WWOX: variants seen among roughly 807,000 people sequenced by gnomAD.
The protein encoded by WWOX is WW domain containing oxidoreductase.
A neutral mutation model predicts 46.2 loss-of-function variants in WWOX; 69 were observed. That is an observed-to-expected ratio of 1.49 (90% CI 1.23 to 1.82). The LOEUF (loss-of-function observed/expected upper bound fraction) is 1.82, where lower values mean the gene tolerates loss of function less well. WWOX is among the 40% of genes most tolerant of loss of function. The pLI, the probability that WWOX is intolerant of heterozygous loss-of-function variation, is 0.00. For missense variants in WWOX, 919 were observed against 542.6 expected, an observed-to-expected ratio of 1.69 and a Z score of -6.89; for synonymous variants, 359 against 202.6, an observed-to-expected ratio of 1.77 and a Z score of -6.56.
intron 5 of WWOX, among the ~76,000 whole-genome samples, chr16:78,291,565 G>A (rs564237846): frequency 6.6e-6 from 1 of 152,108 alleles, no homozygotes; most frequent in African/African-American, 2.4e-5. Context: ...GTCTGAAACC[G>A]CTGTTTGGAT....
intron 8 of WWOX, among the ~76,000 whole-genome samples, chr16:78,988,420 C>G (rs968215216): frequency 6.6e-6 from 1 of 151,548 alleles, no homozygotes; most frequent in East Asian, 1.9e-4. Context: ...TGTCACCATC[C>G]TTGGCCAAGG....
intron 8 of WWOX, among the ~76,000 whole-genome samples, chr16:79,143,340 T>C (rs2050125757): frequency 6.6e-6 from 1 of 152,240 alleles, no homozygotes; most frequent in South Asian, 2.1e-4. Flanking sequence ...ATTTAAATTA[T>C]TTGTTCTATT....
intron 5 of WWOX, among the ~76,000 whole-genome samples, chr16:78,364,664 C>T (rs983990019): frequency 6.6e-6 from 1 of 151,950 alleles, no homozygotes; most frequent in Non-Finnish European, 1.5e-5. Context: ...TGCTCTTTCT[C>T]TATAATACAG....
At chr16:78,716,596 T>G (rs913362782) in intron 8 of WWOX, among the ~76,000 whole-genome samples, 2 of 152,074 alleles carry the variant, frequency 1.3e-5, no homozygotes, top group East Asian at 3.9e-4. Flanking sequence ...GGCAAGTTCG[T>G]GTGGTTCTGT....
At chr16:78,135,306 A>G (rs910533716) in intron 4 of WWOX, among the ~76,000 whole-genome samples, 1 of 152,184 alleles carries the variant, frequency 6.6e-6, no homozygotes, top group Non-Finnish European at 1.5e-5. Context: ...ACTGTGGTTT[A>G]CCAAGTGTGA....
chr16:79,003,633 C>G (rs2151366914), intron 8 of WWOX, among the ~76,000 whole-genome samples: 1 of 152,166 alleles, frequency 6.6e-6, no homozygotes. Context: ...GTCACATGTC[C>G]AGGGCTTTGT....
At chr16:78,599,319 C>A (rs2045567197) in intron 8 of WWOX, among the ~76,000 whole-genome samples, 1 of 152,142 alleles carries the variant, frequency 6.6e-6, no homozygotes. Context: ...TTAATCAATC[C>A]ACAGACATTG....
At chr16:79,186,803 T>G (rs763315843) in intron 8 of WWOX, among the ~76,000 whole-genome samples, 10 of 152,100 alleles carry the variant, frequency 6.6e-5, no homozygotes, top group Non-Finnish European at 1.5e-4. Flanking sequence ...ATGAGGAAAC[T>G]GGGGGTCAGG....
intron 8 of WWOX, among the ~76,000 whole-genome samples, chr16:79,024,758 G>C (rs187893568): frequency 4.6e-5 from 7 of 152,254 alleles, no homozygotes; most frequent in Admixed American, 4.6e-4. Flanking sequence ...TTTTCATGGA[G>C]ACAGGGTCTC....
intron 8 of WWOX, among the ~76,000 whole-genome samples, chr16:78,726,087 T>TCCAC (rs2048825922): frequency 8.8e-6 from 1 of 113,126 alleles, no homozygotes; most frequent in Non-Finnish European, 1.9e-5. Flanking sequence ...CCCTCCCTCT[T>TCCAC]CCTCCCTCCC....
intron 8 of WWOX, among the ~76,000 whole-genome samples, chr16:78,882,103 G>A (rs939447421): frequency 6.6e-6 from 1 of 152,188 alleles, no homozygotes; most frequent in African/African-American, 2.4e-5. Context: ...TCCAGCCTGG[G>A]TGACAGAGCA....
intron 4 of WWOX, among the ~76,000 whole-genome samples, chr16:78,155,922 A>G (rs1403214426): frequency 6.6e-6 from 1 of 152,188 alleles, no homozygotes; most frequent in Non-Finnish European, 1.5e-5. Context: ...CACACTCTAG[A>G]GATATGGTTT....
intron 8 of WWOX, among the ~76,000 whole-genome samples, chr16:78,776,537 G>A (rs1352307458): frequency 1.3e-5 from 2 of 152,194 alleles, no homozygotes; most frequent in East Asian, 1.9e-4. Flanking sequence ...GACCTGTTTA[G>A]CAGCAGCAGT....
chr16:78,762,921 C>G (rs2049828909), intron 8 of WWOX, among the ~76,000 whole-genome samples: 1 of 152,160 alleles, frequency 6.6e-6, no homozygotes, highest in South Asian at 2.1e-4. Flanking sequence ...TTATTGAAGG[C>G]TGAGAACAGA....
At chr16:78,947,972 C>T (rs142650505) in intron 8 of WWOX, among the ~76,000 whole-genome samples, 10 of 152,030 alleles carry the variant, frequency 6.6e-5, no homozygotes, top group Non-Finnish European at 1.0e-4. Context: ...ATGTGAGGTC[C>T]AAGGACATTC....
At chr16:78,975,864 A>G (rs1179673029) in intron 8 of WWOX, among the ~76,000 whole-genome samples, 1 of 152,138 alleles carries the variant, frequency 6.6e-6, no homozygotes, top group African/African-American at 2.4e-5. Flanking sequence ...GACCCTTGCC[A>G]TTAGGACCAA....
At chr16:78,187,896 C>T (rs999593272) in intron 5 of WWOX, among the ~76,000 whole-genome samples, 5 of 152,106 alleles carry the variant, frequency 3.3e-5, no homozygotes, top group African/African-American at 1.2e-4. Context: ...CTAGGGATTT[C>T]AGTGACGTAA....
intron 5 of WWOX, among the ~76,000 whole-genome samples, chr16:78,372,871 G>A (rs1308176277): frequency 6.6e-6 from 1 of 152,162 alleles, no homozygotes; most frequent in African/African-American, 2.4e-5. Flanking sequence ...TTTCAGCACA[G>A]TAGCAGCTAC....
intron 8 of WWOX, among the ~76,000 whole-genome samples, chr16:78,472,989 C>T (rs2084263987): frequency 6.6e-6 from 1 of 152,072 alleles, no homozygotes; most frequent in Non-Finnish European, 1.5e-5. Flanking sequence ...TGTTTTTGTG[C>T]CGCCTGCAGG....
Sources: gnomAD v4.1 joint callset for allele counts (sites outside exome capture counted in the v4.1 genomes callset) on GRCh38, gnomAD v4.1.1 for gene constraint, MANE v1.5 for transcripts, NCBI Gene and HGNC (gene_info 2026-07-23, HGNC 2026-07-21) for gene names.